The following ADRA1A variants were observed in gnomAD, a reference collection of about 807,000 sequenced individuals.
ADRA1A encodes the protein adrenoceptor alpha 1A, also known as alpha-1A adrenergic receptor.
ADRA1A carries 31 observed loss-of-function variants against 29.6 expected under a neutral mutation model. The ratio of observed to expected loss-of-function variants is 1.05; its 90% CI spans 0.79 to 1.41. ADRA1A has a LOEUF of 1.41. Ranked by LOEUF, ADRA1A falls within the 40% of genes most tolerant of loss-of-function variation. ADRA1A has a pLI of 0.00. For missense variants in ADRA1A, 619 were observed against 601.1 expected, an observed-to-expected ratio of 1.03 and a Z score of -0.31; for synonymous variants, 311 against 254.3, an observed-to-expected ratio of 1.22 and a Z score of -2.12.
At chr8:26,766,351 C>G (rs17055954), downstream of ADRA1A, among the ~76,000 whole-genome samples, 5 of 152,204 alleles carry the variant, frequency 3.3e-5, no homozygotes, top group African/African-American at 1.2e-4. Flanking sequence ...GTGGCCCCTT[C>G]TGCATACTCT....
chr8:26,854,912 C>T (rs969249201), intron 2 of ADRA1A, among the ~76,000 whole-genome samples: 1 of 152,054 alleles, frequency 6.6e-6, no homozygotes, highest in Non-Finnish European at 1.5e-5. Context: ...CAGAAAGAGG[C>T]CCCAGGGAGC....
intron 2 of ADRA1A, among the ~76,000 whole-genome samples, chr8:26,777,465 GC>G (rs1806632095): frequency 6.6e-6 from 1 of 152,200 alleles, no homozygotes; most frequent in African/African-American, 2.4e-5. Flanking sequence ...ACCTCACTTA[GC>G]CTGTATGTCC....
At chr8:26,772,344 G>A (rs185072792) in intron 2 of ADRA1A, among the ~76,000 whole-genome samples, 17 of 152,248 alleles carry the variant, frequency 1.1e-4, no homozygotes, top group Admixed American at 4.6e-4. Context: ...AATCCCAAAC[G>A]TCCCTCTTCA....
At chr8:26,763,862 T>C (rs1805637265), downstream of ADRA1A, among the ~76,000 whole-genome samples, 1 of 152,198 alleles carries the variant, frequency 6.6e-6, no homozygotes, top group African/African-American at 2.4e-5. The surrounding 1 kb of genome is among the most constrained non-coding windows in gnomAD (Gnocchi z 4.5). Flanking sequence ...GAATGTGTGA[T>C]AGAGACTGTA....
At chr8:26,801,176 G>T (rs1808549603) in intron 2 of ADRA1A, among the ~76,000 whole-genome samples, 1 of 152,064 alleles carries the variant, frequency 6.6e-6, no homozygotes, top group Non-Finnish European at 1.5e-5. Context: ...GTATTAAACT[G>T]AATTGGAAAA....
At chr8:26,845,302 G>A (rs1176919110) in intron 2 of ADRA1A, among the ~76,000 whole-genome samples, 2 of 152,150 alleles carry the variant, frequency 1.3e-5, no homozygotes, top group Admixed American at 6.5e-5. Flanking sequence ...TAACTCCAAA[G>A]AAGTTACATG....
In ADRA1A at chr8:26,815,331, C is replaced by A. The variant is rs547851195; in HGVS notation, c.884-44665G>T. On this transcript the variant is annotated intron_variant, in intron 2 of 2. Coordinates refer to ENST00000380573, the MANE Select transcript of ADRA1A (RefSeq NM_000680.4). This position sits in a 1 kb window ranked among gnomAD's most constrained non-coding sequence, Gnocchi z 4.2. Reference sequence around the variant, plus strand: ...GAAAAAGTTGATAAGCTTTCTTTTACATGCATGGTTAGGTTTGCAAGATAG... The same window carrying A: ...GAAAAAGTTGATAAGCTTTCTTTTAAATGCATGGTTAGGTTTGCAAGATAG... Among the ~76,000 whole-genome samples, 19 of 152,310 alleles carry A rather than the reference C, an allele frequency of 1.2e-4. No homozygotes were observed. The highest frequency in any genetic ancestry group is 4.6e-4 in the African/African-American group (19 of 41,566).
chr8:26,850,500 TG>T (rs1164669003), intron 2 of ADRA1A, among the ~76,000 whole-genome samples: 1 of 151,806 alleles, frequency 6.6e-6, no homozygotes, highest in Non-Finnish European at 1.5e-5. Flanking sequence ...ATATCTTTTT[TG>T]TTGTTGTTGT....
At chr8:26,827,395 T>C (rs1034488184) in intron 2 of ADRA1A, among the ~76,000 whole-genome samples, 13 of 152,210 alleles carry the variant, frequency 8.5e-5, no homozygotes, top group Admixed American at 2.0e-4. Flanking sequence ...CTGAGTGTCT[T>C]AGTCTGTTTG....
At chr8:26,757,189 C>T (rs1182850202) in intron 2 of ADRA1A, 2 of 700,172 alleles carry the variant, frequency 2.9e-6, no homozygotes, top group Admixed American at 2.0e-5. Flanking sequence ...CCGAAAGTGA[C>T]TTTTTTTCCT....
chr8:26,837,257 G>C (rs1220780511), intron 2 of ADRA1A, among the ~76,000 whole-genome samples: 1 of 152,086 alleles, frequency 6.6e-6, no homozygotes, highest in Non-Finnish European at 1.5e-5. Flanking sequence ...TGATTATGTG[G>C]GATAAAATAT....
rs3739216 is a variant in ADRA1A, at chr8:26,769,732, G to C, written c.*417C>G. The C allele has an allele frequency of 0.076, 75,046 of 990,204 alleles. 4,363 individuals are homozygous for C. The highest frequency in any genetic ancestry group is 0.45 in the East Asian group (3,999 of 8,914). The allele number at this position is 990,204 out of a possible 1,614,324, so 61.3% of individuals were successfully genotyped here. On this transcript the variant is annotated 3_prime_UTR_variant, in exon 3 of 3. Transcript: ENST00000380573. ...TAAATGTCAAATGTGGCTGTCAGTA[G>C]GTTGAGCCTGAAAATAAAATCCCCT...
chr8:26,829,474 T>C (rs1400727956), intron 2 of ADRA1A, among the ~76,000 whole-genome samples: 2 of 152,212 alleles, frequency 1.3e-5, no homozygotes, highest in African/African-American at 4.8e-5. Flanking sequence ...AAATATGTCA[T>C]TCTAATAGAA....
chr8:26,767,625 GT>G (rs1805863679), downstream of ADRA1A, among the ~76,000 whole-genome samples: 1 of 152,128 alleles, frequency 6.6e-6, no homozygotes, highest in Non-Finnish European at 1.5e-5. Context: ...TTCTCTAGTT[GT>G]TTATTTTGAT....
chr8:26,773,198 C>T (rs1010027380), intron 2 of ADRA1A, among the ~76,000 whole-genome samples: 9 of 152,188 alleles, frequency 5.9e-5, no homozygotes, highest in African/African-American at 2.2e-4. Context: ...GCCCATGCTC[C>T]TTTGTGGAAT....
intron 2 of ADRA1A, among the ~76,000 whole-genome samples, chr8:26,777,227 C>A (rs762833221): frequency 3.9e-5 from 6 of 152,196 alleles, no homozygotes; most frequent in Non-Finnish European, 8.8e-5. Context: ...GTGACCAGGG[C>A]TCTCTAAGAA....
chr8:26,799,495 A>G (rs1051842085), intron 2 of ADRA1A, among the ~76,000 whole-genome samples: 3 of 152,350 alleles, frequency 2.0e-5, no homozygotes, highest in Admixed American at 6.5e-5. Context: ...TCTGTGGTCA[A>G]ATATACCCAG....
Position 26,825,949 on chromosome 8 carries a change from C to CA in ADRA1A, c.883+38137dup. On this transcript the variant is annotated intron_variant, in intron 2 of 2. Coordinates refer to ENST00000380573, the MANE Select transcript of ADRA1A (RefSeq NM_000680.4). The surrounding 1 kb of genome is among the most constrained non-coding windows in gnomAD (Gnocchi z 5.7). ...GTGCTGAGCTGGGCACTGGCCATGC[C>CA]AAAAACACATAAACACATTCTGTCC... Among the ~76,000 whole-genome samples the CA allele has an allele frequency of 6.6e-6, 1 of 152,290 alleles. No homozygotes were observed. Among genetic ancestry groups the CA allele is most frequent in the South Asian group, 2.1e-4 (1 of 4,824 alleles).
chr8:26,866,752 T>A lies in ADRA1A; in HGVS notation c.-687+184A>T, dbSNP rs571991333. On this transcript the variant is annotated intron_variant, in intron 1 of 2. Transcript: ENST00000380573. The surrounding 1 kb of genome is among the most constrained non-coding windows in gnomAD (Gnocchi z 5.7). ...AAACACAGGGTTAAAAAGACACTTG[T>A]TCAGTAGAAGGCAACTTCGCAGAAG... is the stretch of plus-strand genomic sequence containing the variant. Among the ~76,000 whole-genome samples the A allele has an allele frequency of 6.6e-5, 10 of 152,324 alleles. No homozygotes were observed. The highest frequency in any genetic ancestry group is 2.2e-4 in the African/African-American group (9 of 41,586).
Sources: gnomAD v4.1 joint callset for allele counts (sites outside exome capture counted in the v4.1 genomes callset) on GRCh38, gnomAD v4.1.1 for gene constraint, Gnocchi (gnomAD v3.1) non-coding constraint, MANE v1.5 for transcripts, NCBI Gene and HGNC (gene_info 2026-07-23, HGNC 2026-07-21) for gene names.